ERC2: variants seen among roughly 807,000 people sequenced by gnomAD.
The protein encoded by ERC2 is ERC protein 2.
Under a neutral mutation model 114.8 loss-of-function variants are expected in ERC2, and 42 were observed. The observed-to-expected ratio is 0.37, with a 90% confidence interval of 0.29 to 0.47. The LOEUF is 0.47. Among genes scored for constraint, ERC2 ranks in the 20% least tolerant of loss-of-function variants. The pLI is 0.99. For synonymous variants in ERC2, 454 were observed against 425.5 expected (o/e 1.07, Z -0.82); for missense variants, 939 against 1,150.7 (o/e 0.82, Z 2.66).
At chr3:55,519,617 G>T (rs115909151) in intron 17 of ERC2, among the ~76,000 whole-genome samples, 1 of 152,098 alleles carries the variant, frequency 6.6e-6, no homozygotes, top group Non-Finnish European at 1.5e-5. Context: ...AATTCCCATG[G>T]CTCCCAAACT....
In ERC2 at chr3:55,877,555, A is replaced by T. The variant is rs539059150; in HGVS notation, c.2564+10834T>A. The stretch of plus-strand genomic sequence containing the variant: ...GAGACAGGGTCTCACTCTGTCACTC[A>T]GGCAGGAGTGCAGTGATGCAATCAC... On this transcript the variant is annotated intron_variant, in intron 14 of 17. Coordinates refer to ENST00000288221, the MANE Select transcript of ERC2 (RefSeq NM_015576.3). 2.1e-5 allele frequency among the ~76,000 whole-genome samples: 3 copies of T among 145,738 alleles called. No homozygotes were observed. In the South Asian group the frequency reaches 6.5e-4, roughly 31 times the overall value.
chr3:56,003,980 A>G (rs1472648923), intron 10 of ERC2, among the ~76,000 whole-genome samples: 2 of 152,012 alleles, frequency 1.3e-5, no homozygotes, highest in African/African-American at 2.4e-5. Flanking sequence ...AGGGTGAAAT[A>G]TTGTAGAAAC....
chr3:55,537,122 T>C (rs2107313208), intron 17 of ERC2, among the ~76,000 whole-genome samples: 1 of 152,376 alleles, frequency 6.6e-6, no homozygotes, highest in South Asian at 2.1e-4. Flanking sequence ...TTTGCCAGCA[T>C]GCTGGGAGGC....
At chr3:55,721,379 T>G (rs2064538836) in intron 15 of ERC2, among the ~76,000 whole-genome samples, 1 of 152,270 alleles carries the variant, frequency 6.6e-6, no homozygotes, top group Non-Finnish European at 1.5e-5. Context: ...TCTTCTCTAC[T>G]CAACTGTAGG....
intron 14 of ERC2, among the ~76,000 whole-genome samples, chr3:55,771,291 A>G (rs2068181353): frequency 6.6e-6 from 1 of 152,214 alleles, no homozygotes; most frequent in Non-Finnish European, 1.5e-5. Flanking sequence ...TTGATTCAAT[A>G]TAGATCATTC....
chr3:56,424,385 C>G (rs981219315), intron 2 of ERC2, among the ~76,000 whole-genome samples: 42 of 152,044 alleles, frequency 2.8e-4, no homozygotes, highest in Non-Finnish European at 6.0e-4. Context: ...GTCCAGCACA[C>G]AAGAATGTTT....
chr3:55,664,206 A>T (rs1047023107), intron 17 of ERC2, among the ~76,000 whole-genome samples: 2 of 152,114 alleles, frequency 1.3e-5, no homozygotes, highest in African/African-American at 4.8e-5. Context: ...AGAAACGTAA[A>T]ATCTCAGGCT....
chr3:55,833,642 C>A (rs149547317), intron 14 of ERC2, among the ~76,000 whole-genome samples: 1 of 152,168 alleles, frequency 6.6e-6, no homozygotes, highest in Non-Finnish European at 1.5e-5. Context: ...CTGGTACCAA[C>A]CACTGCAAAA....
At chr3:55,982,959 G>T (rs192181813) in intron 12 of ERC2, among the ~76,000 whole-genome samples, 1 of 152,180 alleles carries the variant, frequency 6.6e-6, no homozygotes, top group Non-Finnish European at 1.5e-5. Flanking sequence ...CTATAATAAC[G>T]AGCTCACGCC....
chr3:56,440,301 T>G (rs1207323905), intron 1 of ERC2, among the ~76,000 whole-genome samples: 2 of 152,062 alleles, frequency 1.3e-5, no homozygotes, highest in African/African-American at 4.8e-5. Flanking sequence ...CCCAGCACTT[T>G]GGGAGGCCGA....
intron 14 of ERC2, among the ~76,000 whole-genome samples, chr3:55,867,526 T>C (rs946125837): frequency 6.6e-6 from 1 of 152,138 alleles, no homozygotes; most frequent in Non-Finnish European, 1.5e-5. Flanking sequence ...TAGAGAATAA[T>C]AAGCATTGCT....
intron 14 of ERC2, among the ~76,000 whole-genome samples, chr3:55,755,392 A>C (rs919731904): frequency 1.3e-5 from 2 of 152,188 alleles, no homozygotes; most frequent in Admixed American, 6.5e-5. Flanking sequence ...ACTCCAAAGC[A>C]TGAGAACCAA....
At chr3:56,244,792 G>A (rs886298106) in intron 3 of ERC2, among the ~76,000 whole-genome samples, 2 of 152,078 alleles carry the variant, frequency 1.3e-5, no homozygotes, top group Non-Finnish European at 2.9e-5. Context: ...AGTGTCCTAG[G>A]CCTTCACATT....
intron 6 of ERC2, among the ~76,000 whole-genome samples, chr3:56,138,633 G>T (rs1315262335): frequency 1.3e-5 from 2 of 152,184 alleles, no homozygotes; most frequent in Non-Finnish European, 2.9e-5. Flanking sequence ...ATATATACAT[G>T]CAAAGACACA....
rs1165799426 is a variant in ERC2, at chr3:56,213,980, C to T, written c.1075-40460G>A. 2.6e-5 allele frequency among the ~76,000 whole-genome samples: 4 copies of T among 152,276 alleles called. No individual in the cohort carries two copies. The East Asian group carries it at 5.8e-4, about 22-fold the overall frequency. On this transcript the variant is annotated intron_variant, in intron 3 of 17. Transcript: ENST00000288221. Reference sequence around the variant, plus strand: ...AAGGAAAACTAACAAACAGAAAGGACATCCACACCAAAACCCCATCTGTAC... The same window carrying T: ...AAGGAAAACTAACAAACAGAAAGGATATCCACACCAAAACCCCATCTGTAC...
chr3:55,546,485 C>T (rs1224594281), intron 17 of ERC2, among the ~76,000 whole-genome samples: 1 of 152,218 alleles, frequency 6.6e-6, no homozygotes, highest in Non-Finnish European at 1.5e-5. Flanking sequence ...ATCATATTCA[C>T]TGTCCATCTC....
chr3:56,148,861 A>G (rs779257159), intron 5 of ERC2, 116 bp downstream of exon 5: 29 of 894,768 alleles, frequency 3.2e-5, no homozygotes, highest in Non-Finnish European at 4.6e-5. Flanking sequence ...TGTTGTCCAT[A>G]TATTAAATAA....
chr3:56,223,046 CA>C (rs2050020261), intron 3 of ERC2, among the ~76,000 whole-genome samples: 1 of 152,228 alleles, frequency 6.6e-6, no homozygotes, highest in East Asian at 1.9e-4. Flanking sequence ...GGAATGAACA[CA>C]GACTGTGCCA....
At chr3:55,938,056 G>A (rs1001389386) in intron 13 of ERC2, among the ~76,000 whole-genome samples, 3 of 152,098 alleles carry the variant, frequency 2.0e-5, no homozygotes, top group South Asian at 2.1e-4. Flanking sequence ...AAAGCCCTAC[G>A]CCCACATTTC....
Sources: allele counts gnomAD v4.1 joint callset (sites outside exome capture counted in the v4.1 genomes callset), GRCh38; gene constraint gnomAD v4.1.1; transcripts MANE v1.5; gene names NCBI Gene and HGNC (gene_info 2026-07-23, HGNC 2026-07-21).